The following PDE4B variants were observed in gnomAD, a reference collection of about 807,000 sequenced individuals.
PDE4B encodes 3',5'-cyclic-AMP phosphodiesterase 4B.
A neutral mutation model predicts 82.2 loss-of-function variants in PDE4B; 20 were observed. That is an observed-to-expected ratio of 0.24 (90% CI 0.17 to 0.35). The LOEUF is 0.35. Among genes scored for constraint, PDE4B ranks in the 10% least tolerant of loss-of-function variants. PDE4B has a pLI of 1.00. For missense variants in PDE4B, 655 were observed against 907.2 expected (o/e 0.72, Z 3.57); for synonymous variants, 320 against 318.9 (o/e 1.00, Z -0.04).
chr1:65,807,872 AC>A (rs1055777687), intron 1 of PDE4B, among the ~76,000 whole-genome samples: 2 of 152,300 alleles, frequency 1.3e-5, no homozygotes, highest in Admixed American at 6.5e-5. Context: ...AGGAGTAGTT[AC>A]TGCTTTGGAG....
chr1:66,004,646 C>T (rs1652046917), intron 3 of PDE4B, among the ~76,000 whole-genome samples: 2 of 151,900 alleles, frequency 1.3e-5, no homozygotes, highest in Non-Finnish European at 2.9e-5. Context: ...ACGTAAAAAA[C>T]ATTTAATGGT....
rs1157030335 is a variant in PDE4B at position 65,918,839 on chromosome 1, A to C, written c.281+4A>C. 1.3e-6 allele frequency: 2 copies of C among 1,515,566 alleles called. No individual in the cohort carries two copies. The highest frequency in any genetic ancestry group is 1.8e-6 in the Non-Finnish European group (2 of 1,090,442). 93.9% of individuals were successfully genotyped at this position (1,515,566 alleles called of 1,614,324 possible). On this transcript the variant is annotated splice_donor_region_variant and intron_variant, in intron 3 of 16. Coordinates refer to ENST00000341517, the MANE Select transcript of PDE4B (RefSeq NM_002600.4). ...TTACAACTGTAAGCCAGGAGTGGTGAGTAGCCTCAAAATCAAATGTCAATT... is the reference window on the plus strand; with the variant it reads ...TTACAACTGTAAGCCAGGAGTGGTGCGTAGCCTCAAAATCAAATGTCAATT...
intron 3 of PDE4B, among the ~76,000 whole-genome samples, chr1:66,219,449 T>G (rs1383695808): frequency 6.6e-6 from 1 of 152,132 alleles, no homozygotes. Flanking sequence ...TGGTTTCAGT[T>G]GTGAAGATGT....
At chr1:65,844,927 C>T (rs529056592) in intron 1 of PDE4B, among the ~76,000 whole-genome samples, 1 of 152,074 alleles carries the variant, frequency 6.6e-6, no homozygotes. Flanking sequence ...AGTAGTTTTG[C>T]GGAGGTTTGG....
chr1:66,195,411 C>T (rs921385525), intron 3 of PDE4B, among the ~76,000 whole-genome samples: 1 of 152,144 alleles, frequency 6.6e-6, no homozygotes, highest in Admixed American at 6.6e-5. Flanking sequence ...AAGTACTTGA[C>T]CTTCTTTCAT....
chr1:65,930,404 TGATA>T (rs1333632292), intron 3 of PDE4B, among the ~76,000 whole-genome samples: 10 of 152,222 alleles, frequency 6.6e-5, no homozygotes, highest in Non-Finnish European at 1.3e-4. Flanking sequence ...GACTCCAGAA[TGATA>T]GATCCACTGG....
intron 1 of PDE4B, among the ~76,000 whole-genome samples, chr1:65,862,196 A>T (rs1483763668): frequency 2.0e-5 from 3 of 152,172 alleles, no homozygotes; most frequent in African/African-American, 7.2e-5. Flanking sequence ...TGTCATAAAT[A>T]GCTCTTATTA....
intron 3 of PDE4B, among the ~76,000 whole-genome samples, chr1:65,954,884 G>T (rs1388567076): frequency 6.6e-6 from 1 of 151,598 alleles, no homozygotes; most frequent in African/African-American, 2.4e-5. Flanking sequence ...TTTCAATTTA[G>T]AAAAAAGTGT....
At position 65,802,842 on chromosome 1, in the gene PDE4B, A is replaced by T. The variant is rs192713013; in HGVS notation, c.-71+9594A>T. On this transcript the variant is annotated intron_variant, in intron 1 of 16. Transcript: ENST00000341517. ...GAAACTGAGTGATAGTATTGCTATT[A>T]AGGGAATTATAAGCAAAAAAGTCAC... 2.4e-3 allele frequency among the ~76,000 whole-genome samples: 371 copies of T among 152,240 alleles called. 3 individuals carry two copies. Among genetic ancestry groups the T allele is most frequent in the African/African-American group, 8.6e-3 (357 of 41,570 alleles).
chr1:66,022,606 C>T (rs1328672293), intron 3 of PDE4B, among the ~76,000 whole-genome samples: 2 of 152,056 alleles, frequency 1.3e-5, no homozygotes, highest in African/African-American at 2.4e-5. Flanking sequence ...TGCTGGATTA[C>T]GTTTATTGAT....
intron 3 of PDE4B, among the ~76,000 whole-genome samples, chr1:66,242,963 C>T (rs963653950): frequency 3.3e-5 from 5 of 152,128 alleles, no homozygotes; most frequent in African/African-American, 1.2e-4. Context: ...GGCCAGAGAA[C>T]GTTCCTGCTC....
intron 3 of PDE4B, among the ~76,000 whole-genome samples, chr1:66,222,338 C>T (rs1651059342): frequency 6.6e-6 from 1 of 152,194 alleles, no homozygotes; most frequent in Non-Finnish European, 1.5e-5. Context: ...TCTTTCTGAA[C>T]TAAGGTTGCT....
chr1:66,088,003 A>G (rs568458035), intron 3 of PDE4B, among the ~76,000 whole-genome samples: 4 of 151,892 alleles, frequency 2.6e-5, no homozygotes, highest in Non-Finnish European at 4.4e-5. Context: ...ATGTACCCTA[A>G]AACTTAAAGT....
At chr1:66,086,792 A>T (rs1327755997) in intron 3 of PDE4B, among the ~76,000 whole-genome samples, 4 of 152,192 alleles carry the variant, frequency 2.6e-5, no homozygotes, top group African/African-American at 9.6e-5. Flanking sequence ...AGGACAATTA[A>T]TTCCTACCAC....
chr1:66,060,872 TCTC>T (rs930518001), intron 3 of PDE4B, among the ~76,000 whole-genome samples: 8 of 151,878 alleles, frequency 5.3e-5, no homozygotes, highest in African/African-American at 1.7e-4. Context: ...GCTTGGTCCT[TCTC>T]TTCTTCCTGA....
At chr1:65,972,364 A>G (rs762103953) in intron 3 of PDE4B, among the ~76,000 whole-genome samples, 6 of 151,712 alleles carry the variant, frequency 4.0e-5, no homozygotes, top group African/African-American at 7.3e-5. Flanking sequence ...TTTTTTGTCA[A>G]TTGGGATTAT....
At chr1:65,885,619 C>T (rs568017814) in intron 1 of PDE4B, among the ~76,000 whole-genome samples, 1 of 152,012 alleles carries the variant, frequency 6.6e-6, no homozygotes, top group Admixed American at 6.6e-5. Flanking sequence ...GAACAAAAAA[C>T]CAAACACCAC....
chr1:65,795,223 A>G (rs1434764627), intron 1 of PDE4B, among the ~76,000 whole-genome samples: 2 of 152,174 alleles, frequency 1.3e-5, no homozygotes, highest in Non-Finnish European at 2.9e-5. Context: ...GTGAAGAAAT[A>G]AAGAGTTCTA....
chr1:65,971,129 A>G (rs1650108290), intron 3 of PDE4B, among the ~76,000 whole-genome samples: 1 of 151,656 alleles, frequency 6.6e-6, no homozygotes, highest in African/African-American at 2.4e-5. Context: ...AGTGAGAGAC[A>G]GAGAGGAATA....
Sources: allele counts gnomAD v4.1 joint callset (sites outside exome capture counted in the v4.1 genomes callset), GRCh38; gene constraint gnomAD v4.1.1; transcripts MANE v1.5; gene names NCBI Gene and HGNC (gene_info 2026-07-23, HGNC 2026-07-21).